TMX2: variants seen among roughly 807,000 people sequenced by gnomAD.
The protein encoded by TMX2 is thioredoxin related transmembrane protein 2.
A neutral mutation model predicts 33.4 loss-of-function variants in TMX2; 20 were observed. The observed-to-expected ratio is 0.60, with a 90% CI of 0.42 to 0.87. The LOEUF (loss-of-function observed/expected upper bound fraction) is 0.87. Ranked by LOEUF, TMX2 falls within the 40% of genes least tolerant of loss-of-function variation. The pLI, the probability that TMX2 is intolerant of heterozygous loss-of-function variation, is 0.00. For missense variants in TMX2, 340 were observed against 370.7 expected (o/e 0.92, Z 0.68); for synonymous variants, 166 against 140.7 (o/e 1.18, Z -1.27).
rs1338227448 is a variant in TMX2, at chr11:57,740,322, TTTTA to T, written c.*83_*86del. 4.8e-6 allele frequency: 7 copies of T among 1,465,406 alleles called. No individual in the cohort carries two copies. The highest frequency in any genetic ancestry group is 1.4e-5 in the South Asian group (1 of 70,442). The allele number at this position is 1,465,406 out of a possible 1,614,324, so 90.8% of individuals were successfully genotyped here. A position where few individuals can be genotyped will look rare whatever the true frequency, so the allele number is the denominator to read the frequency against. The stretch of plus-strand genomic sequence containing the variant: ...TAACCACAAGCCTGAGGCTGCAGCC[TTTTA>T]TTTATGTTTTCCCTTTGGCTGTGAC... On this transcript the variant is annotated 3_prime_UTR_variant, in exon 8 of 8. Transcript: ENST00000278422.
chr11:57,712,634 C>T lies in TMX2; in HGVS notation c.16C>T (p.Pro6Ser), dbSNP rs948787818. Reference sequence around the variant, plus strand: ...GGCCGAAAAGATGGCGGTCTTGGCACCTCTAATTGCTCTCGTGTATTCGGT... The same window carrying T: ...GGCCGAAAAGATGGCGGTCTTGGCATCTCTAATTGCTCTCGTGTATTCGGT... Reference protein sequence around the residue: MAVLAPLIALVYSVPR... With the variant: MAVLASLIALVYSVPR... Residue 6 changes from proline (P) to serine (S), a missense_variant, in exon 1 of 8, where the codon CCT (proline) becomes TCT (serine). Transcript: ENST00000278422. 3 of 1,613,798 alleles carry T rather than the reference C, an allele frequency of 1.9e-6. No individual in the cohort carries two copies. Among genetic ancestry groups the T allele is most frequent in the Admixed American group, 1.7e-5 (1 of 59,956 alleles).
chr11:57,739,097 C>T (rs1472263452), intron 6 of TMX2, 34 bp from the exon 7 acceptor site: 4 of 1,614,048 alleles, frequency 2.5e-6, no homozygotes, highest in Non-Finnish European at 3.4e-6. Flanking sequence ...GTGATACATA[C>T]AGGGACATTT....
At chr11:57,718,559 G>A in intron 1 of TMX2, 1 of 642,160 alleles carries the variant, frequency 1.6e-6, no homozygotes, top group East Asian at 3.1e-5. Flanking sequence ...CCTGGTGGTG[G>A]CAGCAAAGCC....
chr11:57,740,260 C>T lies in TMX2; in HGVS notation c.*15C>T, dbSNP rs368246292. 41 of 1,571,538 alleles carry T rather than the reference C, an allele frequency of 2.6e-5. No individual in the cohort carries two copies. In the Admixed American group the frequency reaches 6.0e-4, roughly 23 times the overall value. On this transcript the variant is annotated 3_prime_UTR_variant, in exon 8 of 8. Coordinates refer to ENST00000278422, the MANE Select transcript of TMX2 (RefSeq NM_015959.4). Reference sequence around the variant, plus strand: ...AGGATAAATAAGATCCTCACTTTGGCAGTGCTTCCTCTCCTGTCAATTCCA... The same window carrying T: ...AGGATAAATAAGATCCTCACTTTGGTAGTGCTTCCTCTCCTGTCAATTCCA...
At chr11:57,739,849 C>G (rs1948984242) in intron 7 of TMX2, among the ~76,000 whole-genome samples, 1 of 152,098 alleles carries the variant, frequency 6.6e-6, no homozygotes, top group Non-Finnish European at 1.5e-5. Flanking sequence ...TAACCCCTGG[C>G]TTACAGGGTT....
At chr11:57,721,751 C>G (rs190828154) in intron 1 of TMX2, among the ~76,000 whole-genome samples, 101 of 152,258 alleles carry the variant, frequency 6.6e-4, no homozygotes, top group African/African-American at 2.4e-3. Flanking sequence ...AAAATATTTA[C>G]TTTCAAAAAT....
At chr11:57,722,762 C>A (rs1289320761) in intron 1 of TMX2, among the ~76,000 whole-genome samples, 1 of 151,976 alleles carries the variant, frequency 6.6e-6, no homozygotes, top group African/African-American at 2.4e-5. Context: ...TTTTCCCCCA[C>A]TGGAAATTTG....
chr11:57,733,545 C>G (rs1948538543), intron 1 of TMX2, among the ~76,000 whole-genome samples: 1 of 151,874 alleles, frequency 6.6e-6, no homozygotes, highest in South Asian at 2.1e-4. Flanking sequence ...GCGTGAGTCA[C>G]CGCGCCCAGC....
intron 7 of TMX2, among the ~76,000 whole-genome samples, chr11:57,739,625 C>T (rs992397791): frequency 2.0e-5 from 3 of 152,038 alleles, no homozygotes; most frequent in African/African-American, 4.8e-5. Context: ...AGTGTGGTGG[C>T]GCATGCCTAT....
At chr11:57,738,139 CT>C in intron 3 of TMX2, 113 bp downstream of exon 3, 1 of 851,134 alleles carries the variant, frequency 1.2e-6, no homozygotes, top group Non-Finnish European at 1.9e-6. Context: ...TCTCCATACC[CT>C]TCTTCCATAT....
At chr11:57,736,623 C>A (rs1412489958) in intron 1 of TMX2, among the ~76,000 whole-genome samples, 2 of 152,098 alleles carry the variant, frequency 1.3e-5, no homozygotes, top group Admixed American at 1.3e-4. Context: ...CTCGGTGGCT[C>A]ACACCTGTAA....
intron 1 of TMX2, among the ~76,000 whole-genome samples, chr11:57,723,585 A>C (rs1947779371): frequency 6.6e-6 from 1 of 150,790 alleles, no homozygotes; most frequent in African/African-American, 2.4e-5. Context: ...GGCGGATCAC[A>C]AGGTCAGGAG....
chr11:57,716,982 C>T (rs1409903895), intron 1 of TMX2, among the ~76,000 whole-genome samples: 2 of 149,242 alleles, frequency 1.3e-5, no homozygotes, highest in African/African-American at 2.5e-5. Flanking sequence ...CCTCACTTCT[C>T]AGACGGGGCG....
intron 1 of TMX2, among the ~76,000 whole-genome samples, chr11:57,721,661 A>C (rs529314997): frequency 6.6e-6 from 1 of 152,304 alleles, no homozygotes; most frequent in East Asian, 1.9e-4. Context: ...GACTTAAGCC[A>C]ATAAGCCTTC....
In TMX2 at chr11:57,739,915, C is replaced by T. The variant is rs530661356; in HGVS notation, c.745-184C>T. On this transcript the variant is annotated intron_variant, in intron 7 of 7. Transcript: ENST00000278422. ...ATAATTCTTGGCACGGTGATTGGCA[C>T]ATAATGGGTATTTAACTATTAGTTG... 5.9e-5 allele frequency among the ~76,000 whole-genome samples: 9 copies of T among 152,258 alleles called. No homozygotes were observed. In the South Asian group the frequency reaches 1.9e-3, roughly 32 times the overall value.
At chr11:57,738,493 T>C in intron 4 of TMX2, 63 bp downstream of exon 4, 1 of 1,356,326 alleles carries the variant, frequency 7.4e-7, no homozygotes, top group Non-Finnish European at 1.1e-6. Context: ...AGTTGTGCTC[T>C]CCATTCACTA....
In TMX2 at chr11:57,739,010, T is replaced by C; in HGVS notation, c.585T>C (p.Asp195=). 1 of 1,614,154 alleles carries C rather than the reference T, an allele frequency of 6.2e-7. No individual in the cohort carries two copies. The highest frequency in any genetic ancestry group is 1.1e-5 in the South Asian group (1 of 91,080). Residue 195 remains aspartate (D), a synonymous_variant, in exon 6 of 8, where the codon GAT becomes GAC. Transcript: ENST00000278422. ...CAGGGCTAAATTTTGGGAAGGTGGA[T>C]GTTGGACGCTATACTGATGTTAGTA... ...NCTGLNFGKV[D]VGRYTDVSTR...
At chr11:57,733,359 G>A (rs1590960310) in intron 1 of TMX2, among the ~76,000 whole-genome samples, 4 of 149,814 alleles carry the variant, frequency 2.7e-5, no homozygotes, top group South Asian at 4.2e-4. Flanking sequence ...GGGTTCAAGC[G>A]ATTCTCCTGC....
intron 1 of TMX2, among the ~76,000 whole-genome samples, chr11:57,721,832 A>G (rs1409936787): frequency 6.6e-6 from 1 of 152,156 alleles, no homozygotes; most frequent in African/African-American, 2.4e-5. Context: ...TGTTTCCTGT[A>G]GTATCCCACC....
Sources: allele counts gnomAD v4.1 joint callset (sites outside exome capture counted in the v4.1 genomes callset), GRCh38; gene constraint gnomAD v4.1.1; transcripts MANE v1.5; gene names NCBI Gene and HGNC (gene_info 2026-07-23, HGNC 2026-07-21).